Variants in CHLSN observed in about 807,000 individuals in gnomAD.
CHLSN encodes the protein cholesin.
At chr7:1,016,637 GC>G in the CHLSN span, among the ~76,000 whole-genome samples, 1 of 89,152 alleles carries the variant, frequency 1.1e-5, no homozygotes, top group African/African-American at 4.8e-5. Flanking sequence ...AGTAGCGCAC[GC>G]CAGCGCACAG....
the CHLSN span, chr7:1,028,451 C>T: frequency 1.0e-6 from 1 of 985,644 alleles, no homozygotes; most frequent in Admixed American, 6.1e-5. Context: ...GGGACTGGAC[C>T]TCGGCGCGGG....
chr7:1,037,196 G>A, the CHLSN span, among the ~76,000 whole-genome samples: 8 of 144,774 alleles, frequency 5.5e-5, no homozygotes, highest in African/African-American at 2.0e-4. Flanking sequence ...CTGTAGTTAT[G>A]TCATACTTAA....
At chr7:1,047,617 A>G in the CHLSN span, among the ~76,000 whole-genome samples, 1 of 152,222 alleles carries the variant, frequency 6.6e-6, no homozygotes. Context: ...AAGCATTTTG[A>G]TTGTTCTAGA....
chr7:1,007,865 G>A, the CHLSN span, among the ~76,000 whole-genome samples: 1 of 152,162 alleles, frequency 6.6e-6, no homozygotes, highest in Non-Finnish European at 1.5e-5. Flanking sequence ...CCCGTGGGGT[G>A]CTCGGAGGGT....
the CHLSN span, among the ~76,000 whole-genome samples, chr7:1,110,220 G>A: frequency 0.034 from 5,130 of 152,268 alleles, 283 homozygotes; most frequent in African/African-American, 0.12. Flanking sequence ...CTAGCTTCCC[G>A]CCAGAATACC....
chr7:984,383 G>T, the CHLSN span: 1 of 1,541,992 alleles, frequency 6.5e-7, no homozygotes, highest in Non-Finnish European at 8.7e-7. Context: ...GGTGAGGGCT[G>T]CCCGGGTGAC....
At chr7:1,033,417 G>C in the CHLSN span, among the ~76,000 whole-genome samples, 1 of 152,120 alleles carries the variant, frequency 6.6e-6, no homozygotes, top group Non-Finnish European at 1.5e-5. Flanking sequence ...AATTAGCCGG[G>C]TGTGGTGGGT....
the CHLSN span, among the ~76,000 whole-genome samples, chr7:1,130,311 C>A: frequency 1.3e-5 from 2 of 152,182 alleles, no homozygotes; most frequent in African/African-American, 2.4e-5. Flanking sequence ...GCTGGAGGGG[C>A]TGGGATAGCA....
chr7:1,112,833 GTAAACATC>G, the CHLSN span, among the ~76,000 whole-genome samples: 1 of 152,100 alleles, frequency 6.6e-6, no homozygotes, highest in Admixed American at 6.6e-5. Context: ...CAGCGGCTTC[GTAAACATC>G]TAAACATGCA....
At chr7:1,036,703 G>T in the CHLSN span, among the ~76,000 whole-genome samples, 1 of 149,448 alleles carries the variant, frequency 6.7e-6, no homozygotes, top group African/African-American at 2.4e-5. Flanking sequence ...GGGGAAGATG[G>T]CGGCTGCTCC....
At chr7:1,034,973 C>G in the CHLSN span, among the ~76,000 whole-genome samples, 3 of 152,236 alleles carry the variant, frequency 2.0e-5, no homozygotes, top group Admixed American at 2.0e-4. Context: ...AAGACATGAT[C>G]TCACTCTTTT....
the CHLSN span, chr7:987,004 A>C: frequency 7.2e-7 from 1 of 1,395,730 alleles, no homozygotes; most frequent in East Asian, 2.6e-5. Flanking sequence ...GGCTGAGCCC[A>C]GATCACCGGG....
chr7:1,024,385 T>C, the CHLSN span: 1 of 151,950 alleles, frequency 6.6e-6, no homozygotes, highest in Non-Finnish European at 1.5e-5. Context: ...ACACCAACGA[T>C]GTAGGCGGGT....
chr7:1,002,169 CTGCA>C, the CHLSN span, among the ~76,000 whole-genome samples: 1 of 102,274 alleles, frequency 9.8e-6, no homozygotes. Context: ...GAGTGGAGTC[CTGCA>C]GGTGGGGAGT....
the CHLSN span, among the ~76,000 whole-genome samples, chr7:996,075 GA>G: frequency 6.6e-6 from 1 of 152,234 alleles, no homozygotes; most frequent in African/African-American, 2.4e-5. Context: ...TGTCTTCAGG[GA>G]GCTAAGGAGG....
At chr7:1,022,034 T>C in the CHLSN span, among the ~76,000 whole-genome samples, 1 of 152,136 alleles carries the variant, frequency 6.6e-6, no homozygotes, top group African/African-American at 2.4e-5. Context: ...GCGTGGCGCC[T>C]GGGCCACATC....
the CHLSN span, among the ~76,000 whole-genome samples, chr7:1,125,745 A>T: frequency 4.3e-4 from 66 of 152,386 alleles, no homozygotes; most frequent in African/African-American, 1.4e-3. Context: ...GCGGATCCAC[A>T]GGTGAGTGTG....
At chr7:1,018,687 A>C in the CHLSN span, among the ~76,000 whole-genome samples, 1 of 152,128 alleles carries the variant, frequency 6.6e-6, no homozygotes, top group African/African-American at 2.4e-5. Context: ...TGGGAGGCCA[A>C]GGTGGGAGGC....
chr7:983,332 G>T, the CHLSN span: 8 of 1,539,038 alleles, frequency 5.2e-6, no homozygotes, highest in African/African-American at 8.2e-5. Context: ...GCTGCCGCTC[G>T]TCGGGAACCT....
Sources: gnomAD v4.1 joint callset for allele counts (sites outside exome capture counted in the v4.1 genomes callset) on GRCh38, gnomAD v4.1.1 for gene constraint, MANE v1.5 for transcripts, NCBI Gene and HGNC (gene_info 2026-07-23, HGNC 2026-07-21) for gene names.